The following INPP4A variants were observed in gnomAD, a reference collection of about 807,000 sequenced individuals.
INPP4A encodes inositol polyphosphate-4-phosphatase type I A, also known as inositol polyphosphate-4-phosphatase, type I, 107kD.
Under a neutral mutation model 119.8 loss-of-function variants are expected in INPP4A, and 33 were observed. The observed-to-expected ratio is 0.28, with a 90% confidence interval of 0.21 to 0.37. The LOEUF (loss-of-function observed/expected upper bound fraction) is 0.37, where lower values mean the gene tolerates loss of function less well. INPP4A is among the 10% of genes least tolerant of loss of function. The pLI is 1.00. For missense variants in INPP4A, 956 were observed against 1,289.9 expected (o/e 0.74, Z 3.97); for synonymous variants, 496 against 500.7 (o/e 0.99, Z 0.12).
chr2:98,452,034 C>A (rs866761658), intron 1 of INPP4A, among the ~76,000 whole-genome samples: 1 of 152,112 alleles, frequency 6.6e-6, no homozygotes, highest in Non-Finnish European at 1.5e-5. Context: ...CCATCACTGC[C>A]GGTTTCATCC....
chr2:98,451,280 T>C (rs866208721), intron 1 of INPP4A, among the ~76,000 whole-genome samples: 2 of 152,150 alleles, frequency 1.3e-5, no homozygotes, highest in Non-Finnish European at 2.9e-5. Context: ...GGCCTTTTAA[T>C]ATGAAACTTG....
chr2:98,546,461 G>A lies in INPP4A; in HGVS notation c.1055-125G>A, dbSNP rs79954190. On this transcript the variant is annotated intron_variant, in intron 12 of 24. Coordinates refer to ENST00000409851, the MANE Select transcript of INPP4A (RefSeq NM_001134225.2). The surrounding 1 kb of genome is among the most constrained non-coding windows in gnomAD (Gnocchi z 4.2). ...GGGCAGCCAGGGCTGTGGGATCAGG[G>A]GAACCAAAGGCTGTACAGCAGTGGG... 0.019 allele frequency: 12,793 copies of A among 656,558 alleles called. 200 individuals are homozygous for A. The highest frequency in any genetic ancestry group is 0.022 in the Non-Finnish European group (8,151 of 375,316). The allele number at this position is 656,558 out of a possible 1,614,324, so 40.7% of individuals were successfully genotyped here.
chr2:98,519,798 A>G (rs1368637678), intron 2 of INPP4A, 148 bp from the exon 3 acceptor site: 6 of 488,328 alleles, frequency 1.2e-5, no homozygotes, highest in African/African-American at 1.2e-4. Context: ...AGGGGCAGGG[A>G]GCAGTGGACA....
At chr2:98,478,388 G>A (rs2104984651) in intron 1 of INPP4A, among the ~76,000 whole-genome samples, 1 of 152,308 alleles carries the variant, frequency 6.6e-6, no homozygotes, top group East Asian at 1.9e-4. Flanking sequence ...CTCTGTTCCT[G>A]GATGGCTTCT....
chr2:98,457,877 T>G (rs1378956141), intron 1 of INPP4A, among the ~76,000 whole-genome samples: 1 of 152,118 alleles, frequency 6.6e-6, no homozygotes, highest in Non-Finnish European at 1.5e-5. Context: ...CATAGCTCGC[T>G]GCAGCCTCAA....
At chr2:98,492,056 A>G (rs1485492734) in intron 1 of INPP4A, among the ~76,000 whole-genome samples, 1 of 151,982 alleles carries the variant, frequency 6.6e-6, no homozygotes, top group African/African-American at 2.4e-5. Flanking sequence ...TGCCCAGCTA[A>G]TTTTTGTATT....
intron 1 of INPP4A, among the ~76,000 whole-genome samples, chr2:98,483,210 A>G (rs1479259410): frequency 1.3e-5 from 2 of 152,238 alleles, no homozygotes; most frequent in African/African-American, 4.8e-5. Context: ...ACTTGAAACT[A>G]CATATGCCTT....
In INPP4A at chr2:98,524,552, G is replaced by A. The variant is rs560373845; in HGVS notation, c.151+3821G>A. ...CCTTAAAGTAATCTCAGTCTTCCCA[G>A]CCTTTGGCCACCTGCTGTACCTTAC... On this transcript the variant is annotated intron_variant, in intron 4 of 24. Transcript: ENST00000409851. 1.4e-4 allele frequency among the ~76,000 whole-genome samples: 22 copies of A among 152,286 alleles called. No individual in the cohort carries two copies. The Middle Eastern group carries it at 0.014, about 94-fold the overall frequency.
chr2:98,481,570 CAG>C (rs1437455554), intron 1 of INPP4A, among the ~76,000 whole-genome samples: 1 of 152,178 alleles, frequency 6.6e-6, no homozygotes, highest in African/African-American at 2.4e-5. Flanking sequence ...GATTCAGTGA[CAG>C]AATTCTCTAT....
intron 11 of INPP4A, 65 bp from the exon 12 acceptor site, chr2:98,545,904 A>G (rs570029016): frequency 1.7e-6 from 2 of 1,159,170 alleles, no homozygotes; most frequent in African/African-American, 1.6e-5. Context: ...TCCATTTTCT[A>G]CTTGCAACTC....
intron 1 of INPP4A, among the ~76,000 whole-genome samples, chr2:98,447,070 C>A (rs1023722369): frequency 6.6e-6 from 1 of 152,126 alleles, no homozygotes; most frequent in African/African-American, 2.4e-5. Context: ...GACCGACTGC[C>A]CCACTGATCC....
chr2:98,490,232 A>G (rs992649964), intron 1 of INPP4A, among the ~76,000 whole-genome samples: 1 of 152,050 alleles, frequency 6.6e-6, no homozygotes, highest in Non-Finnish European at 1.5e-5. Context: ...GGGGCAGAGC[A>G]GGCTGGACAC....
intron 10 of INPP4A, 135 bp from the exon 11 acceptor site, chr2:98,543,742 G>A: frequency 4.5e-6 from 5 of 1,101,998 alleles, no homozygotes; most frequent in Non-Finnish European, 6.4e-6. Context: ...GACAGGCAGT[G>A]TAACCATTGT....
At chr2:98,478,700 A>AG (rs1457784837) in intron 1 of INPP4A, among the ~76,000 whole-genome samples, 1 of 152,024 alleles carries the variant, frequency 6.6e-6, no homozygotes, top group African/African-American at 2.4e-5. Flanking sequence ...AGGAAGGTTG[A>AG]GGGGGTGAGG....
intron 1 of INPP4A, among the ~76,000 whole-genome samples, chr2:98,509,076 A>G (rs936525866): frequency 2.0e-5 from 3 of 152,130 alleles, no homozygotes; most frequent in African/African-American, 7.2e-5. Flanking sequence ...CTTGGCCCCC[A>G]CCATTGTGGG....
intron 10 of INPP4A, 30 bp from the exon 11 acceptor site, chr2:98,543,847 C>T (rs1691985694): frequency 3.7e-6 from 6 of 1,612,064 alleles, no homozygotes; most frequent in East Asian, 2.2e-5. Context: ...AGTTAGCCCA[C>T]AGCCTGATGC....
intron 1 of INPP4A, among the ~76,000 whole-genome samples, chr2:98,497,447 G>A (rs1682228806): frequency 6.6e-6 from 1 of 152,184 alleles, no homozygotes; most frequent in Non-Finnish European, 1.5e-5. Flanking sequence ...CTCTACTGAT[G>A]GCTTTCACTG....
chr2:98,515,846 C>T (rs1686019324), intron 1 of INPP4A, among the ~76,000 whole-genome samples: 2 of 152,200 alleles, frequency 1.3e-5, no homozygotes, highest in Non-Finnish European at 2.9e-5. Context: ...CTCCACCACC[C>T]CTTTCCCTGC....
rs374359971 is a variant in INPP4A at position 98,554,378 on chromosome 2, G to T, written c.1455G>T (p.Ser485=). ...DYIASKASPT[S]TEEEQVMLRN... is the part of the protein sequence containing the mutation. ...TTGCCTCCAAGGCCTCTCCCACTTC[G>T]ACTGAGGAGGAGCAGGTGATGCTTA... Residue 485 remains serine (S), a synonymous_variant, in exon 15 of 25, where the codon TCG becomes TCT. Transcript: ENST00000409851. This position sits in a 1 kb window ranked among gnomAD's most constrained non-coding sequence, Gnocchi z 4.7. The T allele has an allele frequency of 3.1e-6, 5 of 1,613,722 alleles. No homozygotes were observed. Among genetic ancestry groups the T allele is most frequent in the Non-Finnish European group, 4.2e-6 (5 of 1,179,778 alleles).
Sources: gnomAD v4.1 joint callset for allele counts (sites outside exome capture counted in the v4.1 genomes callset) on GRCh38, gnomAD v4.1.1 for gene constraint, Gnocchi (gnomAD v3.1) non-coding constraint, MANE v1.5 for transcripts, NCBI Gene and HGNC (gene_info 2026-07-23, HGNC 2026-07-21) for gene names.